Variants in CLIC2 observed in about 807,000 individuals in gnomAD.
CLIC2 encodes the protein CLIC family member 2.
In CLIC2, 9 loss-of-function variants were observed where a neutral mutation model predicts 14.8. The ratio of observed to expected loss-of-function variants is 0.61; its 90% CI spans 0.37 to 1.06. The LOEUF (loss-of-function observed/expected upper bound fraction) is 1.06, where lower values mean the gene tolerates loss of function less well. Ranked by LOEUF, CLIC2 falls within the 50% of genes least tolerant of loss-of-function variation. The pLI is 0.01. For synonymous variants in CLIC2, 61 were observed against 66.3 expected (o/e 0.92, Z 0.39); for missense variants, 148 against 181.4 (o/e 0.82, Z 1.06).
chrX:155,288,145 T>G (rs1202750821), intron 3 of CLIC2, among the ~76,000 whole-genome samples: 2 of 111,958 alleles, frequency 1.8e-5, no homozygotes, highest in Admixed American at 1.9e-4. Flanking sequence ...CTGAAGGACC[T>G]ATTGGGTTGA....
chrX:155,286,784 ATCTGT>A (rs1337848493), intron 3 of CLIC2, among the ~76,000 whole-genome samples: 1 of 112,153 alleles, frequency 8.9e-6, no homozygotes. Context: ...ATGTCTGTTC[ATCTGT>A]TCATGTCCTT....
At chrX:155,296,425 G>A (rs1289165156) in intron 3 of CLIC2, among the ~76,000 whole-genome samples, 5 of 111,483 alleles carry the variant, frequency 4.5e-5, no homozygotes, top group African/African-American at 1.6e-4. Context: ...AAAACCTAGG[G>A]AAAATTCTTC....
At chrX:155,321,574 T>C (rs969078342) in intron 1 of CLIC2, among the ~76,000 whole-genome samples, 11 of 112,216 alleles carry the variant, frequency 9.8e-5, no homozygotes, top group African/African-American at 3.6e-4. Context: ...GCACTAAACA[T>C]GGAAAGAAAA....
At chrX:155,278,947 A>C in intron 5 of CLIC2, 1 of 427,478 alleles carries the variant, frequency 2.3e-6, no homozygotes, top group Non-Finnish European at 4.1e-6. Context: ...AAAGAAAAAA[A>C]AAGAAACAAG....
In CLIC2 at chrX:155,279,158, G is replaced by A; in HGVS notation, c.573C>T (p.Asn191=). ...CCTTATAAAGACTTACTTTAATAAT[G>A]TTCAGCTTGGGTAACAAGCTACAAT... ...LADCSLLPKL[N]IIKVAAKKYR... is the part of the protein sequence containing the mutation. Residue 191 remains asparagine (N), a synonymous_variant, in exon 5 of 6, where the codon AAC becomes AAT. Transcript: ENST00000369449. The A allele has an allele frequency of 2.5e-6, 3 of 1,209,603 alleles. No individual in the cohort carries two copies. In the South Asian group the frequency reaches 5.3e-5, roughly 21 times the overall value.
rs149528773 is a variant in CLIC2, at chrX:155,323,466, C to T, written c.57+10905G>A. Among the ~76,000 whole-genome samples the T allele has an allele frequency of 1.5e-3, 168 of 111,601 alleles. No homozygotes were observed. In the East Asian group the frequency reaches 0.023, roughly 15 times the overall value. On this transcript the variant is annotated intron_variant, in intron 1 of 5. Transcript: ENST00000369449. ...TCTCAATAGATGCATAAAAAGCCTTCGATAAAATTCAATATACCTTCATGC... is the reference window on the plus strand; with the variant it reads ...TCTCAATAGATGCATAAAAAGCCTTTGATAAAATTCAATATACCTTCATGC...
At chrX:155,317,308 C>T (rs1482093690) in intron 1 of CLIC2, among the ~76,000 whole-genome samples, 3 of 111,728 alleles carry the variant, frequency 2.7e-5, no homozygotes, top group Non-Finnish European at 5.6e-5. Context: ...AATTGATAGA[C>T]AGTTAGTGAG....
At chrX:155,304,954 C>A (rs1391653355) in intron 1 of CLIC2, among the ~76,000 whole-genome samples, 2 of 103,903 alleles carry the variant, frequency 1.9e-5, no homozygotes, top group Non-Finnish European at 4.0e-5. Context: ...TCTCCAGCTG[C>A]GTGCTGGGAG....
chrX:155,279,064 A>C, intron 5 of CLIC2, 85 bp downstream of exon 5: 1 of 708,791 alleles, frequency 1.4e-6, no homozygotes, highest in Non-Finnish European at 2.3e-6. Flanking sequence ...ATAATATAAT[A>C]ATACCGCACT....
chrX:155,290,194 T>C (rs1274730060), intron 3 of CLIC2, among the ~76,000 whole-genome samples: 4 of 112,323 alleles, frequency 3.6e-5, no homozygotes, highest in Non-Finnish European at 5.6e-5. Flanking sequence ...TCATGACTCT[T>C]ATGTAACATT....
At chrX:155,315,678 G>C (rs1251552692) in intron 1 of CLIC2, among the ~76,000 whole-genome samples, 1 of 109,744 alleles carries the variant, frequency 9.1e-6, no homozygotes, top group African/African-American at 3.3e-5. Context: ...AATCTCACAG[G>C]ATCTATATAA....
At chrX:155,302,494 C>A (rs1251305054) in intron 1 of CLIC2, among the ~76,000 whole-genome samples, 1 of 101,551 alleles carries the variant, frequency 9.8e-6, no homozygotes, top group Admixed American at 1.1e-4. Flanking sequence ...GTCTTGCTAG[C>A]GGTCTATCAA....
chrX:155,319,493 AG>A (rs1204152800), intron 1 of CLIC2, among the ~76,000 whole-genome samples: 1 of 112,149 alleles, frequency 8.9e-6, no homozygotes, highest in Non-Finnish European at 1.9e-5. Flanking sequence ...GAAGCCTTGA[AG>A]GACTGTGCCG....
At chrX:155,310,896 G>A (rs1188729817) in intron 1 of CLIC2, among the ~76,000 whole-genome samples, 1 of 112,732 alleles carries the variant, frequency 8.9e-6, no homozygotes, top group South Asian at 3.6e-4. Flanking sequence ...TGCATGCTCT[G>A]TAGCCACAGC....
chrX:155,282,941 A>C (rs1241849932), intron 3 of CLIC2, among the ~76,000 whole-genome samples: 1 of 110,456 alleles, frequency 9.1e-6, no homozygotes, highest in African/African-American at 3.3e-5. Context: ...CCTCATGGGT[A>C]CAGACTCCAG....
At chrX:155,312,078 C>T (rs2075076434) in intron 1 of CLIC2, among the ~76,000 whole-genome samples, 1 of 111,722 alleles carries the variant, frequency 9.0e-6, no homozygotes, top group South Asian at 3.7e-4. Context: ...AAACTGAATT[C>T]AACAACATAT....
At chrX:155,308,039 C>G (rs1040672814) in intron 1 of CLIC2, among the ~76,000 whole-genome samples, 4 of 110,237 alleles carry the variant, frequency 3.6e-5, no homozygotes, top group African/African-American at 1.3e-4. Context: ...TCAAGACCAT[C>G]CAGGAAAACA....
rs375170047 is a variant in CLIC2 at position 155,330,816 on chromosome X, C to T, written c.57+3555G>A. Among the ~76,000 whole-genome samples the T allele has an allele frequency of 6.4e-5, 7 of 109,891 alleles. No homozygotes were observed. The South Asian group carries it at 2.7e-3, about 43-fold the overall frequency. On this transcript the variant is annotated intron_variant, in intron 1 of 5. Coordinates refer to ENST00000369449, the MANE Select transcript of CLIC2 (RefSeq NM_001289.6). ...GAGGGAAAGTCAGGGATCTGAGGGG[C>T]TAGAGTGTTGGAAGAATCATCTGTG...
intron 3 of CLIC2, among the ~76,000 whole-genome samples, chrX:155,287,659 T>C (rs1164209139): frequency 8.9e-6 from 1 of 112,298 alleles, no homozygotes; most frequent in Admixed American, 9.4e-5. Flanking sequence ...AGCCTTGCAG[T>C]ATAGTTCGAA....
Sources: allele counts gnomAD v4.1 joint callset (sites outside exome capture counted in the v4.1 genomes callset), GRCh38; gene constraint gnomAD v4.1.1; transcripts MANE v1.5; gene names NCBI Gene and HGNC (gene_info 2026-07-23, HGNC 2026-07-21).